The following SHFL variants were observed in gnomAD, a reference collection of about 807,000 sequenced individuals.
SHFL encodes shiftless antiviral inhibitor of ribosomal frameshifting.
SHFL carries 12 observed loss-of-function variants against 34.7 expected under a neutral mutation model. That is an observed-to-expected ratio of 0.35 (90% CI 0.22 to 0.56). The LOEUF (loss-of-function observed/expected upper bound fraction) is 0.56. Ranked by LOEUF, SHFL falls within the 20% of genes least tolerant of loss-of-function variation. The pLI is 0.88. For missense variants in SHFL, 278 were observed against 411.1 expected (o/e 0.68, Z 2.80); for synonymous variants, 148 against 156.0 (o/e 0.95, Z 0.38).
rs1229397074 is a variant in SHFL, at chr19:10,089,092, A to G, written c.196-565A>G. 5 of 596,350 alleles carry G rather than the reference A, an allele frequency of 8.4e-6. No homozygotes were observed. The East Asian group carries it at 1.4e-4, about 17-fold the overall frequency. 36.9% of individuals were successfully genotyped at this position (596,350 alleles called of 1,614,324 possible). ...GTGACCCCAGGAGACAGGTCCTATT[A>G]TTTATCCCCATTTCACAGACAAAGA... On this transcript the variant is annotated intron_variant, in intron 3 of 7. Coordinates refer to ENST00000253110, the MANE Select transcript of SHFL (RefSeq NM_018381.4).
At chr19:10,089,224 G>A (rs1214733210) in intron 3 of SHFL, 1 of 1,350,488 alleles carries the variant, frequency 7.4e-7, no homozygotes, top group Admixed American at 2.0e-5. Context: ...TGGGAACCCA[G>A]GGGGCAGGGA....
In SHFL at chr19:10,091,895, A is replaced by T. The variant is rs2088397189; in HGVS notation, c.644-175A>T. On this transcript the variant is annotated intron_variant, in intron 7 of 7. Coordinates refer to ENST00000253110, the MANE Select transcript of SHFL (RefSeq NM_018381.4). This position sits in a 1 kb window ranked among gnomAD's most constrained non-coding sequence, Gnocchi z 8.2. ...GTTTTGTCCCCTGTAATCTCAGGTG[A>T]CCCCCATGTCCCCAGGTCTCCTGTA... 1.1e-6 allele frequency: 1 copy of T among 870,792 alleles called. No homozygotes were observed. The highest frequency in any genetic ancestry group is 1.7e-6 in the Non-Finnish European group (1 of 579,952). 53.9% of individuals were successfully genotyped at this position (870,792 alleles called of 1,614,324 possible). A position where few individuals can be genotyped will look rare whatever the true frequency, so the allele number is the denominator to read the frequency against.
chr19:10,091,508 G>C lies in SHFL; in HGVS notation c.521G>C (p.Cys174Ser). The C allele has an allele frequency of 6.5e-7, 1 of 1,546,398 alleles. No individual in the cohort carries two copies. The highest frequency in any genetic ancestry group is 8.7e-7 in the Non-Finnish European group (1 of 1,144,412). ...GWAQMGSPSP[C>S]YGCGFPVYPT... Reference sequence around the variant, plus strand: ...GCACAGATGGGGTCCCCGTCCCCCTGCTACGGGTGCGGCTTCCCCGTGTAT... The same window carrying C: ...GCACAGATGGGGTCCCCGTCCCCCTCCTACGGGTGCGGCTTCCCCGTGTAT... Residue 174 changes from cysteine (C) to serine (S), a missense_variant, in exon 7 of 8, where the codon TGC (cysteine) becomes TCC (serine). By Grantham distance (112) the Cys-to-Ser change is moderately radical. Transcript: ENST00000253110. The surrounding 1 kb of genome is among the most constrained non-coding windows in gnomAD (Gnocchi z 8.2).
chr19:10,092,706 C>A lies in SHFL; in HGVS notation c.*404C>A, dbSNP rs781592060. On this transcript the variant is annotated 3_prime_UTR_variant, in exon 8 of 8. Coordinates refer to ENST00000253110, the MANE Select transcript of SHFL (RefSeq NM_018381.4). ...GGCTTCGGTAGTGGCCGCCGTGGTGCCACACACCGTTGAGGTTGGAGTGGG... is the reference window on the plus strand; with the variant it reads ...GGCTTCGGTAGTGGCCGCCGTGGTGACACACACCGTTGAGGTTGGAGTGGG... 6.2e-7 allele frequency: 1 copy of A among 1,614,004 alleles called. No individual in the cohort carries two copies. Among genetic ancestry groups the A allele is most frequent in the East Asian group, 2.2e-5 (1 of 44,884 alleles).
In SHFL at chr19:10,091,353, G is replaced by C. The variant is rs764031784; in HGVS notation, c.488G>C (p.Arg163Pro). The part of the protein sequence containing the change: ...FHCPKCRHNF[R>P]GWAQMGSPSP... ...TGCCCGAAGTGTCGGCACAACTTCC[G>C]GTGAGGGCGCTGACCCCCAGCTCCC... Residue 163 changes from arginine (R) to proline (P), a missense_variant and splice_region_variant, in exon 6 of 8, where the codon CGG becomes CCG. By Grantham distance (103) the Arg-to-Pro change is moderately radical (BLOSUM62 -2). Coordinates refer to ENST00000253110, the MANE Select transcript of SHFL (RefSeq NM_018381.4). The surrounding 1 kb of genome is among the most constrained non-coding windows in gnomAD (Gnocchi z 8.2). 6.2e-7 allele frequency: 1 copy of C among 1,613,068 alleles called. No homozygotes were observed. Among genetic ancestry groups the C allele is most frequent in the East Asian group, 2.2e-5 (1 of 44,870 alleles).
rs755916692 is a variant in SHFL, at chr19:10,093,130, G to A, written c.*828G>A. ...CCCTCTGCCCTTTACTTGAACAGGAGTCTTGATTCTTTTTTTGCCTCATCA... is the reference window on the plus strand; with the variant it reads ...CCCTCTGCCCTTTACTTGAACAGGAATCTTGATTCTTTTTTTGCCTCATCA... On this transcript the variant is annotated 3_prime_UTR_variant, in exon 8 of 8. Coordinates refer to ENST00000253110, the MANE Select transcript of SHFL (RefSeq NM_018381.4). 1.0e-5 allele frequency: 6 copies of A among 599,176 alleles called. No homozygotes were observed. Among genetic ancestry groups the A allele is most frequent in the Non-Finnish European group, 1.7e-5 (6 of 348,344 alleles). 37.1% of individuals were successfully genotyped at this position (599,176 alleles called of 1,614,324 possible). A position where few individuals can be genotyped will look rare whatever the true frequency, so the allele number is the denominator to read the frequency against.
At position 10,089,957 on chromosome 19, in the gene SHFL, C is replaced by G; in HGVS notation, c.294C>G (p.Ala98=). The G allele has an allele frequency of 6.2e-7, 1 of 1,611,678 alleles. No homozygotes were observed. Among genetic ancestry groups the G allele is most frequent in the African/African-American group, 1.3e-5 (1 of 74,946 alleles). The stretch of plus-strand genomic sequence containing the variant: ...CCAACCTACGCATGTTTCAACGTGC[C>G]CAGGACGACCTTATCCCTGCTGTGG... ...TEANLRMFQR[A]QDDLIPAVDR... is the part of the protein sequence containing the mutation. The change falls in exon 5 of 8, where the codon GCC becomes GCG. Residue 98 remains alanine, a synonymous_variant. Transcript: ENST00000253110.
Position 10,089,684 on chromosome 19 carries a change from C to G in SHFL, c.223C>G (p.Arg75Gly). Residue 75 changes from arginine (R) to glycine (G), a missense_variant, in exon 4 of 8, where the codon CGG (arginine) becomes GGG (glycine). Transcript: ENST00000253110. ...QDPPEDMKQD[R>G]DIQAVATSLL... ...TCCACCAGAAGATATGAAGCAGGAC[C>G]GGGACATTCAGGTGAGTTGGTGGCT... The G allele has an allele frequency of 1.3e-6, 2 of 1,598,882 alleles. No homozygotes were observed. Among genetic ancestry groups the G allele is most frequent in the South Asian group, 1.1e-5 (1 of 88,322 alleles).
At position 10,086,344 on chromosome 19, in the gene SHFL, T is replaced by G; in HGVS notation, c.-84T>G. Reference sequence around the variant, plus strand: ...GGCACCGCCCCCTGCCCTGCGCGGCTGCTGGACCGACGGGCGCACCCAGGT... The same window carrying G: ...GGCACCGCCCCCTGCCCTGCGCGGCGGCTGGACCGACGGGCGCACCCAGGT... On this transcript the variant is annotated 5_prime_UTR_variant, in exon 1 of 8. Coordinates refer to ENST00000253110, the MANE Select transcript of SHFL (RefSeq NM_018381.4). The surrounding 1 kb of genome is among the most constrained non-coding windows in gnomAD (Gnocchi z 5.2). The G allele has an allele frequency of 8.2e-7, 1 of 1,212,464 alleles. No homozygotes were observed. The highest frequency in any genetic ancestry group is 3.9e-5 in the South Asian group (1 of 25,916). 75.1% of individuals were successfully genotyped at this position (1,212,464 alleles called of 1,614,324 possible).
chr19:10,089,893 C>T lies in SHFL; in HGVS notation c.235-5C>T, dbSNP rs750658478. The T allele has an allele frequency of 1.9e-6, 3 of 1,610,536 alleles. No individual in the cohort carries two copies. In the African/African-American group the frequency reaches 4.0e-5, roughly 22 times the overall value. On this transcript the variant is annotated splice_polypyrimidine_tract_variant and splice_region_variant and intron_variant, in intron 4 of 7. Coordinates refer to ENST00000253110, the MANE Select transcript of SHFL (RefSeq NM_018381.4). ...CACCTCATCCCCACCTGCCCCATTC[C>T]ACAGGCAGTGGCGACCTCCCTCCTG...
At position 10,091,279 on chromosome 19, in the gene SHFL, C is replaced by A. The variant is rs1351100343; in HGVS notation, c.414C>A (p.Arg138=). Residue 138 remains arginine (R), a synonymous_variant, in exon 6 of 8, where the codon CGC becomes CGA. Coordinates refer to ENST00000253110, the MANE Select transcript of SHFL (RefSeq NM_018381.4). This position sits in a 1 kb window ranked among gnomAD's most constrained non-coding sequence, Gnocchi z 8.2. ...CCCGGTGCCGGAAATGCCGGAAGCG[C>A]TACGAGCCAGTGCCAGCTGACAAGA... ...EVSRCRKCRK[R]YEPVPADKMW... 6.2e-7 allele frequency: 1 copy of A among 1,613,880 alleles called. No individual in the cohort carries two copies. Among genetic ancestry groups the A allele is most frequent in the Admixed American group, 1.7e-5 (1 of 60,016 alleles).
chr19:10,089,460 A>G, intron 3 of SHFL, 197 bp from the exon 4 acceptor site: 1 of 1,504,648 alleles, frequency 6.6e-7, no homozygotes, highest in Middle Eastern at 1.7e-4. Context: ...ATAAGGTAAC[A>G]GGTGTGCCCA....
chr19:10,092,774 A>C lies in SHFL; in HGVS notation c.*472A>C, dbSNP rs767831752. On this transcript the variant is annotated 3_prime_UTR_variant, in exon 8 of 8. Transcript: ENST00000253110. ...CAGCCTCCCCGCTGGTACAGGGCAC[A>C]GTTACCTGAGGGGAGAGAGAGAGTC... The C allele has an allele frequency of 6.3e-7, 1 of 1,598,060 alleles. No homozygotes were observed. Among genetic ancestry groups the C allele is most frequent in the Non-Finnish European group, 8.6e-7 (1 of 1,167,738 alleles).
At chr19:10,088,493 C>T (rs181242980) in intron 3 of SHFL, among the ~76,000 whole-genome samples, 11 of 151,924 alleles carry the variant, frequency 7.2e-5, no homozygotes, top group South Asian at 2.1e-4. Flanking sequence ...GGCGTGAACC[C>T]GGGAGGCGGA....
In SHFL at chr19:10,087,093, C is replaced by G. The variant is rs767213644; in HGVS notation, c.145+41C>G. 2.4e-5 allele frequency: 39 copies of G among 1,597,868 alleles called. No individual in the cohort carries two copies. In the South Asian group the frequency reaches 3.9e-4, roughly 16 times the overall value. On this transcript the variant is annotated intron_variant, in intron 2 of 7. Coordinates refer to ENST00000253110, the MANE Select transcript of SHFL (RefSeq NM_018381.4). ...TCCCGGGCCTGGTGCGGGGACCGCG[C>G]GTGGGAGCGCCGAGGGGGCGTGGTC...
Position 10,091,746 on chromosome 19 carries a change from A to G in SHFL, c.643+116A>G, listed in dbSNP as rs2088394443. 2.3e-6 allele frequency: 3 copies of G among 1,321,140 alleles called. No homozygotes were observed. The highest frequency in any genetic ancestry group is 2.6e-5 in the Admixed American group (1 of 37,840). 81.8% of individuals were successfully genotyped at this position (1,321,140 alleles called of 1,614,324 possible). ...CCACAGCAGCAGCCACTGCTTCCAC[A>G]TGGCCTCCATGACCCCCCAGTCTCC... On this transcript the variant is annotated intron_variant, in intron 7 of 7. Transcript: ENST00000253110. This position sits in a 1 kb window ranked among gnomAD's most constrained non-coding sequence, Gnocchi z 8.2.
At chr19:10,089,353 A>G in intron 3 of SHFL, 1 of 1,598,556 alleles carries the variant, frequency 6.3e-7, no homozygotes, top group South Asian at 1.1e-5. Flanking sequence ...CAACATCAAC[A>G]AGCATGTGGC....
chr19:10,086,344 T>C lies in SHFL; in HGVS notation c.-84T>C. On this transcript the variant is annotated 5_prime_UTR_variant, in exon 1 of 8. Coordinates refer to ENST00000253110, the MANE Select transcript of SHFL (RefSeq NM_018381.4). The surrounding 1 kb of genome is among the most constrained non-coding windows in gnomAD (Gnocchi z 5.2). The stretch of plus-strand genomic sequence containing the variant: ...GGCACCGCCCCCTGCCCTGCGCGGC[T>C]GCTGGACCGACGGGCGCACCCAGGT... 8.2e-7 allele frequency: 1 copy of C among 1,212,464 alleles called. No homozygotes were observed. Among genetic ancestry groups the C allele is most frequent in the Non-Finnish European group, 1.0e-6 (1 of 954,816 alleles). 75.1% of individuals were successfully genotyped at this position (1,212,464 alleles called of 1,614,324 possible). A position where few individuals can be genotyped will look rare whatever the true frequency, so the allele number is the denominator to read the frequency against.
Position 10,092,322 on chromosome 19 carries a change from C to A in SHFL, c.*20C>A. 1 of 1,558,524 alleles carries A rather than the reference C, an allele frequency of 6.4e-7. No individual in the cohort carries two copies. The highest frequency in any genetic ancestry group is 8.7e-7 in the Non-Finnish European group (1 of 1,151,910). ...GAGTGACCCCTGCCAGGTGCAGATA[C>A]AAACCAGACACGGTCTGTGGCTACT... is the stretch of plus-strand genomic sequence containing the variant. On this transcript the variant is annotated 3_prime_UTR_variant, in exon 8 of 8. Transcript: ENST00000253110.
Sources: gnomAD v4.1 joint callset for allele counts (sites outside exome capture counted in the v4.1 genomes callset) on GRCh38, gnomAD v4.1.1 for gene constraint, Gnocchi (gnomAD v3.1) non-coding constraint, MANE v1.5 for transcripts, NCBI Gene and HGNC (gene_info 2026-07-23, HGNC 2026-07-21) for gene names.